The following QRICH1 variants were observed in gnomAD, a reference collection of about 807,000 sequenced individuals.
QRICH1 encodes transcriptional regulator QRICH1.
In QRICH1, 16 loss-of-function variants were observed where a neutral mutation model predicts 87.1. The ratio of observed to expected loss-of-function variants is 0.18; its 90% CI spans 0.12 to 0.28. The LOEUF is 0.28. QRICH1 is among the 10% of genes least tolerant of loss of function. The pLI is 1.00. For missense variants in QRICH1, 647 were observed against 951.7 expected (o/e 0.68, Z 4.21); for synonymous variants, 367 against 368.4 (o/e 1.00, Z 0.05).
intron 2 of QRICH1, among the ~76,000 whole-genome samples, chr3:49,060,600 GATTAT>G (rs2093429130): frequency 6.6e-6 from 1 of 152,142 alleles, no homozygotes; most frequent in African/African-American, 2.4e-5. Flanking sequence ...AAAGTGCTGG[GATTAT>G]AGGCGTGAGC....
intron 1 of QRICH1, among the ~76,000 whole-genome samples, chr3:49,077,716 T>G (rs2041977372): frequency 6.6e-6 from 1 of 152,176 alleles, no homozygotes; most frequent in Non-Finnish European, 1.5e-5. Flanking sequence ...TTAGTTTTCT[T>G]GTGAGTAAAT....
intron 2 of QRICH1, among the ~76,000 whole-genome samples, chr3:49,074,269 A>G (rs1575369960): frequency 6.6e-6 from 1 of 152,162 alleles, no homozygotes; most frequent in Non-Finnish European, 1.5e-5. Flanking sequence ...ATTCAGGATG[A>G]CACAAATAGA....
chr3:49,032,587 C>T (rs757010405), intron 8 of QRICH1, 35 bp downstream of exon 8: 2 of 1,537,774 alleles, frequency 1.3e-6, no homozygotes, highest in Admixed American at 4.1e-5. Flanking sequence ...GGACAAGTAG[C>T]ACCTGTTTTT....
At chr3:49,049,119 G>GTATCGAACTCCTGACCTCGACTGA (rs1431095145) in intron 3 of QRICH1, among the ~76,000 whole-genome samples, 2 of 151,818 alleles carry the variant, frequency 1.3e-5, no homozygotes, top group Non-Finnish European at 2.9e-5. Flanking sequence ...TTGCTGGCTG[G>GTATCGAACTCCTGACCTCGACTGA]TATCGAACTC....
At chr3:49,065,744 G>C (rs1331319332) in intron 2 of QRICH1, among the ~76,000 whole-genome samples, 1 of 150,870 alleles carries the variant, frequency 6.6e-6, no homozygotes, top group East Asian at 2.0e-4. Context: ...GCAGTGGTGT[G>C]ATCTCAGCTC....
chr3:49,050,728 C>T (rs1262796092), intron 3 of QRICH1, among the ~76,000 whole-genome samples: 2 of 151,642 alleles, frequency 1.3e-5, no homozygotes, highest in South Asian at 4.2e-4. Flanking sequence ...CAACAAAAAC[C>T]TATTACTCAA....
chr3:49,066,196 G>A (rs2093467433), intron 2 of QRICH1, among the ~76,000 whole-genome samples: 1 of 152,044 alleles, frequency 6.6e-6, no homozygotes, highest in African/African-American at 2.4e-5. Flanking sequence ...GCTGAGGTGG[G>A]AGAACTACTT....
chr3:49,033,210 T>C lies in QRICH1; in HGVS notation c.1805A>G (p.His602Arg). ...VTPLGYVLPS[H>R]VTEEMLWECK... ...CTCCCATAGCATCTCCTCAGTCACG[T>C]GGCTGGGCAAGACATAGCCTAGGAG... The change falls in exon 7 of 10, where the codon CAC (histidine) becomes CGC (arginine). Residue 602 changes from histidine to arginine, a missense_variant. Transcript: ENST00000395443. The C allele has an allele frequency of 6.4e-7, 1 of 1,574,374 alleles. No homozygotes were observed.
rs534808515 is a variant in QRICH1, at chr3:49,045,683, C to A, written c.1671+742G>T. Among the ~76,000 whole-genome samples the A allele has an allele frequency of 2.0e-5, 3 of 151,786 alleles. No homozygotes were observed. The East Asian group carries it at 5.8e-4, about 30-fold the overall frequency. Reference sequence around the variant, plus strand: ...GACATAATCATGACTCACTACAGCCCCAACCTCTGGGGCTCAAGCAATCCT... The same window carrying A: ...GACATAATCATGACTCACTACAGCCACAACCTCTGGGGCTCAAGCAATCCT... On this transcript the variant is annotated intron_variant, in intron 5 of 9. Coordinates refer to ENST00000395443, the MANE Select transcript of QRICH1 (RefSeq NM_198880.3).
intron 3 of QRICH1, among the ~76,000 whole-genome samples, chr3:49,055,722 G>C (rs1159039428): frequency 6.6e-6 from 1 of 152,130 alleles, no homozygotes; most frequent in African/African-American, 2.4e-5. Flanking sequence ...CCCCAGGTTG[G>C]AGTGCAGTGG....
chr3:49,061,134 T>TAAAAAAA (rs57557768), intron 2 of QRICH1, among the ~76,000 whole-genome samples: 5 of 39,742 alleles, frequency 1.3e-4, no homozygotes, highest in African/African-American at 5.7e-4. Flanking sequence ...GCCTCCATCT[T>TAAAAAAA]AAAAAAAAAA....
intron 2 of QRICH1, among the ~76,000 whole-genome samples, chr3:49,062,235 T>C (rs2093439229): frequency 6.6e-6 from 1 of 151,200 alleles, no homozygotes; most frequent in Non-Finnish European, 1.5e-5. Flanking sequence ...CTCGGAAGGC[T>C]GACGCAGCAA....
intron 3 of QRICH1, among the ~76,000 whole-genome samples, chr3:49,052,987 C>T (rs900875442): frequency 1.3e-5 from 2 of 152,150 alleles, no homozygotes; most frequent in Admixed American, 6.5e-5. Flanking sequence ...TCATCTTCAG[C>T]AGCAGCAAGA....
intron 2 of QRICH1, among the ~76,000 whole-genome samples, chr3:49,058,614 A>T (rs959334186): frequency 2.0e-5 from 3 of 150,260 alleles, no homozygotes; most frequent in Admixed American, 6.6e-5. Context: ...GTGTGAGCCG[A>T]AACGGCCGGC....
chr3:49,086,208 T>C (rs1195048441), intron 1 of QRICH1, among the ~76,000 whole-genome samples: 1 of 151,068 alleles, frequency 6.6e-6, no homozygotes, highest in African/African-American at 2.4e-5. Context: ...TTTGCTGGTA[T>C]AAAATCAAAT....
At chr3:49,058,701 T>C (rs535540803) in intron 2 of QRICH1, among the ~76,000 whole-genome samples, 3 of 152,108 alleles carry the variant, frequency 2.0e-5, no homozygotes, top group South Asian at 4.1e-4. Context: ...TGATCTTGGC[T>C]CACTGCAACC....
chr3:49,061,648 T>C (rs904387184), intron 2 of QRICH1, among the ~76,000 whole-genome samples: 1 of 151,736 alleles, frequency 6.6e-6, no homozygotes, highest in Non-Finnish European at 1.5e-5. Context: ...AGGTCAGGAG[T>C]TTGAGACCAG....
At chr3:49,090,625 T>C (rs1270248147) in intron 1 of QRICH1, among the ~76,000 whole-genome samples, 2 of 82,210 alleles carry the variant, frequency 2.4e-5, no homozygotes, top group African/African-American at 4.1e-5. Flanking sequence ...TGAAACTCCA[T>C]CTCAAAAAAA....
intron 6 of QRICH1, among the ~76,000 whole-genome samples, chr3:49,042,052 C>A (rs989786232): frequency 7.5e-6 from 1 of 133,964 alleles, no homozygotes; most frequent in African/African-American, 2.8e-5. Context: ...GGATTACAGG[C>A]GTGAGCCACC....
Sources: gnomAD v4.1 joint callset for allele counts (sites outside exome capture counted in the v4.1 genomes callset) on GRCh38, gnomAD v4.1.1 for gene constraint, MANE v1.5 for transcripts, NCBI Gene and HGNC (gene_info 2026-07-23, HGNC 2026-07-21) for gene names.